Variants in FREM1 observed in about 807,000 individuals in gnomAD.
FREM1 encodes the protein FRAS1-related extracellular matrix protein 1.
In FREM1, 220 loss-of-function variants were observed where a neutral mutation model predicts 210.1. That is an observed-to-expected ratio of 1.05 (90% CI 0.94 to 1.17). FREM1 has a LOEUF of 1.17. Among genes scored for constraint, FREM1 ranks in the 50% most tolerant of loss-of-function variants. The pLI is 0.00. For synonymous variants in FREM1, 1,189 were observed against 980.2 expected (o/e 1.21, Z -3.98); for missense variants, 3,454 against 2,675.5 (o/e 1.29, Z -6.42).
chr9:14,789,225 AG>A (rs1294192068), intron 22 of FREM1, 111 bp from the exon 23 acceptor site: 2 of 650,486 alleles, frequency 3.1e-6, no homozygotes, highest in African/African-American at 3.7e-5. Flanking sequence ...ATAATATTTC[AG>A]GGAAATTCCA....
At chr9:14,840,742 T>C (rs1258121928) in intron 10 of FREM1, among the ~76,000 whole-genome samples, 1 of 152,222 alleles carries the variant, frequency 6.6e-6, no homozygotes, top group African/African-American at 2.4e-5. Flanking sequence ...TTAAAATCTC[T>C]ATTATCAACC....
intron 25 of FREM1, among the ~76,000 whole-genome samples, chr9:14,774,524 TCTCTC>T (rs1848218808): frequency 3.4e-5 from 1 of 29,470 alleles, no homozygotes; most frequent in African/African-American, 8.5e-5. Flanking sequence ...TCTCTCTCTC[TCTCTC>T]TCTCTCTCTC....
Position 14,859,307 on chromosome 9 carries a change from C to T in FREM1, c.507G>A (p.Leu169=). Residue 169 remains leucine (L), a synonymous_variant, in exon 4 of 37, where the codon CTG becomes CTA. Transcript: ENST00000380880. The part of the protein sequence containing the change: ...LRFDYDRMAS[L]ECTVSLDTAR... ...CAGTGTCCAGGCTGACGGTACATTC[C>T]AGGCTAGCCATCCTATCATAATCGA... 24 of 1,613,876 alleles carry T rather than the reference C, an allele frequency of 1.5e-5. No individual in the cohort carries two copies. The highest frequency in any genetic ancestry group is 2.0e-5 in the Non-Finnish European group (24 of 1,179,870).
At position 14,775,940 on chromosome 9, in the gene FREM1, T is replaced by A. The variant is rs1352221402; in HGVS notation, c.4706A>T (p.Gln1569Leu). The A allele has an allele frequency of 1.9e-6, 3 of 1,613,854 alleles. No individual in the cohort carries two copies. The highest frequency in any genetic ancestry group is 1.1e-5 in the South Asian group (1 of 91,088). ...GTGLLQHNFT[Q>L]QDVDSKNVAY... ...CACATTCTTGCTGTCCACATCCTGC[T>A]GGGTGAAATTGTGTTGAAGTAGCCC... The change falls in exon 25 of 37, where the codon CAG becomes CTG. Residue 1569 changes from glutamine to leucine, a missense_variant. Physicochemically the swap from Gln to Leu is moderately radical, Grantham distance 113. Coordinates refer to ENST00000380880, the MANE Select transcript of FREM1 (RefSeq NM_001379081.2).
At chr9:14,868,712 C>T (rs747026097) in intron 2 of FREM1, 32 bp downstream of exon 2, 9 of 1,380,254 alleles carry the variant, frequency 6.5e-6, no homozygotes, top group Admixed American at 1.8e-5. Context: ...TTCATACACA[C>T]GACTGAACAG....
chr9:14,746,268 G>T, intron 35 of FREM1, 85 bp downstream of exon 35: 1 of 987,686 alleles, frequency 1.0e-6, no homozygotes, highest in Non-Finnish European at 1.6e-6. Flanking sequence ...CTTGTTGAAT[G>T]AATGAAGCAG....
At chr9:14,843,469 C>T (rs751768626) in intron 8 of FREM1, among the ~76,000 whole-genome samples, 3 of 151,682 alleles carry the variant, frequency 2.0e-5, no homozygotes, top group Non-Finnish European at 4.4e-5. Flanking sequence ...TAAGCCAATT[C>T]CCAGAATAAA....
intron 1 of FREM1, among the ~76,000 whole-genome samples, chr9:14,886,384 C>CAAAAAAAAAAAAAAAAAAAAAA (rs60702421): frequency 3.3e-5 from 2 of 59,818 alleles, no homozygotes; most frequent in Non-Finnish European, 5.6e-5. Context: ...GACTCCGACT[C>CAAAAAAAAAAAAAAAAAAAAAA]AAAAAAAAAA....
intron 1 of FREM1, among the ~76,000 whole-genome samples, chr9:14,879,976 C>T (rs981232582): frequency 6.6e-6 from 1 of 152,118 alleles, no homozygotes; most frequent in African/African-American, 2.4e-5. Context: ...TGTTGAAGCC[C>T]TGATTTCCAA....
chr9:14,844,942 C>G (rs1179108672), intron 8 of FREM1, among the ~76,000 whole-genome samples: 2 of 152,186 alleles, frequency 1.3e-5, no homozygotes, highest in Non-Finnish European at 2.9e-5. Context: ...GAACACCCAA[C>G]CTGACTGGTA....
At chr9:14,816,501 T>C (rs745344810) in intron 15 of FREM1, among the ~76,000 whole-genome samples, 3 of 152,128 alleles carry the variant, frequency 2.0e-5, no homozygotes, top group South Asian at 4.1e-4. Flanking sequence ...TTATAGGTCA[T>C]GAGGGCTCCA....
intron 6 of FREM1, 50 bp downstream of exon 6, chr9:14,851,230 TTAAA>T (rs1827681625): frequency 7.3e-7 from 1 of 1,370,806 alleles, no homozygotes; most frequent in Admixed American, 2.2e-5. Context: ...TAGGGGGTTC[TTAAA>T]TAACCCTGTG....
chr9:14,851,242 G>A (rs1183171698), intron 6 of FREM1, 42 bp downstream of exon 6: 2 of 1,451,826 alleles, frequency 1.4e-6, no homozygotes, highest in Non-Finnish European at 1.9e-6. Flanking sequence ...AAATAACCCT[G>A]TGACTTCTAA....
In FREM1 at chr9:14,756,466, T is replaced by A. The variant is rs1467419643; in HGVS notation, c.5335-20A>T. 4 of 1,535,538 alleles carry A rather than the reference T, an allele frequency of 2.6e-6. No homozygotes were observed. In the South Asian group the frequency reaches 4.8e-5, roughly 18 times the overall value. ...GTTGACCTTAGGAGGGAAAAAAAAA[T>A]CTTTTTAAGATAAAAATAAATATTC... On this transcript the variant is annotated intron_variant, in intron 28 of 36. Transcript: ENST00000380880.
Position 14,861,204 on chromosome 9 carries a change from CACATATACATAT to C in FREM1, c.330-1732_330-1721del, listed in dbSNP as rs1564106959. 1.2e-4 allele frequency among the ~76,000 whole-genome samples: 12 copies of C among 99,992 alleles called. No individual in the cohort carries two copies. In the East Asian group the frequency reaches 4.1e-3, roughly 34 times the overall value. 65.6% of individuals were successfully genotyped at this position (99,992 alleles called of 152,430 possible). A position where few individuals can be genotyped will look rare whatever the true frequency, so the allele number is the denominator to read the frequency against. On this transcript the variant is annotated intron_variant, in intron 3 of 36. Transcript: ENST00000380880. ...ATATACACATATATACATATATACA[CACATATACATAT>C]ATACACATATATACACATATATACA... is the stretch of plus-strand genomic sequence containing the variant.
chr9:14,871,482 G>A (rs1254743195), intron 1 of FREM1, among the ~76,000 whole-genome samples: 3 of 151,992 alleles, frequency 2.0e-5, no homozygotes, highest in East Asian at 1.9e-4. Context: ...CATATCCTTC[G>A]CCCACTTTTT....
intron 27 of FREM1, among the ~76,000 whole-genome samples, chr9:14,762,555 A>G (rs936069937): frequency 2.0e-5 from 3 of 152,132 alleles, no homozygotes; most frequent in African/African-American, 7.2e-5. Flanking sequence ...GCACCATTTG[A>G]ATGCTGCATA....
In FREM1 at chr9:14,746,466, AT is replaced by A; in HGVS notation, c.6140del (p.Asp2047ValfsTer21). 3 of 1,611,122 alleles carry A rather than the reference AT, an allele frequency of 1.9e-6. No individual in the cohort carries two copies. Among genetic ancestry groups the A allele is most frequent in the Non-Finnish European group, 2.5e-6 (3 of 1,177,392 alleles). On this transcript the variant is annotated frameshift_variant and splice_region_variant, in exon 35 of 37. Coordinates refer to ENST00000380880, the MANE Select transcript of FREM1 (RefSeq NM_001379081.2). LOFTEE classifies it high-confidence loss of function. ...AWKAWSPQTKDVEDKSCPAGW... is the reference protein window; with the variant it reads ...AWKAWSPQTKXVEDKSCPAGW... Reference sequence around the variant, plus strand: ...CGGCTGGACAGGATTTGTCTTCCACATCCTGAAAAACAGTTGTCTGTGTTCA... The same window carrying A: ...CGGCTGGACAGGATTTGTCTTCCACACCTGAAAAACAGTTGTCTGTGTTCA...
chr9:14,792,303 C>CACAGAGAG (rs369927789), intron 22 of FREM1, among the ~76,000 whole-genome samples: 8 of 137,766 alleles, frequency 5.8e-5, no homozygotes, highest in African/African-American at 2.1e-4. Flanking sequence ...CACACACACA[C>CACAGAGAG]AGAGAGAGAG....
Sources: allele counts gnomAD v4.1 joint callset (sites outside exome capture counted in the v4.1 genomes callset), GRCh38; gene constraint gnomAD v4.1.1; transcripts MANE v1.5; gene names NCBI Gene and HGNC (gene_info 2026-07-23, HGNC 2026-07-21).